Variants in ERI3 observed in about 807,000 individuals in gnomAD.
ERI3 encodes the protein ERI1 exoribonuclease family member 3, also known as ERI1 exoribonuclease 3.
ERI3 carries 18 observed loss-of-function variants against 44.4 expected under a neutral mutation model. That is an observed-to-expected ratio of 0.41 (90% confidence interval 0.28 to 0.60). The LOEUF (loss-of-function observed/expected upper bound fraction) is 0.60. Among genes scored for constraint, ERI3 ranks in the 20% least tolerant of loss-of-function variants. The pLI is 0.36. For synonymous variants in ERI3, 183 were observed against 164.8 expected (o/e 1.11, Z -0.84); for missense variants, 294 against 435.5 (o/e 0.68, Z 2.89).
chr1:44,259,875 C>CCAGATAGATAGA (rs1259635160), intron 7 of ERI3, among the ~76,000 whole-genome samples: 1 of 135,854 alleles, frequency 7.4e-6, no homozygotes, highest in Non-Finnish European at 1.6e-5. Flanking sequence ...GGAAAACCCT[C>CCAGATAGATAGA]TAGATAGATA....
intron 6 of ERI3, among the ~76,000 whole-genome samples, chr1:44,302,538 T>G (rs1279556823): frequency 6.6e-6 from 1 of 152,216 alleles, no homozygotes; most frequent in East Asian, 1.9e-4. Flanking sequence ...GGCTGAGGTT[T>G]CCTTAAAACA....
At chr1:44,261,338 C>T (rs902901539) in intron 7 of ERI3, among the ~76,000 whole-genome samples, 9 of 152,266 alleles carry the variant, frequency 5.9e-5, no homozygotes, top group African/African-American at 1.4e-4. Flanking sequence ...ATCAAGCTCA[C>T]GCAGGCCGCC....
rs774855471 is a variant in ERI3, at chr1:44,354,989, C to A, written c.38G>T (p.Gly13Val). The change falls in exon 1 of 9, where the codon GGG (glycine) becomes GTG (valine). Residue 13 changes from glycine to valine, a missense_variant. By Grantham distance (109) the Gly-to-Val change is moderately radical. Transcript: ENST00000372257. ...GACCAGCCCTCCTTCCCAGGGCCGCCCCCGCCCCCCGTCAGCAGCGGGAGA... is the reference window on the plus strand; with the variant it reads ...GACCAGCCCTCCTTCCCAGGGCCGCACCCGCCCCCCGTCAGCAGCGGGAGA... ...TASPAADGGR[G>V]RPWEGGLVSW... The A allele has an allele frequency of 2.2e-6, 3 of 1,373,076 alleles. No homozygotes were observed. Among genetic ancestry groups the A allele is most frequent in the Admixed American group, 3.1e-5 (1 of 32,494 alleles). 85.1% of individuals were successfully genotyped at this position (1,373,076 alleles called of 1,614,324 possible).
intron 4 of ERI3, among the ~76,000 whole-genome samples, chr1:44,318,810 T>TA (rs758261127): frequency 6.6e-6 from 1 of 152,240 alleles, no homozygotes; most frequent in African/African-American, 2.4e-5. Flanking sequence ...CCCAGACTCT[T>TA]AAAAGATTCT....
intron 7 of ERI3, among the ~76,000 whole-genome samples, chr1:44,250,912 T>C (rs1265060735): frequency 2.6e-5 from 4 of 152,204 alleles, no homozygotes; most frequent in Non-Finnish European, 4.4e-5. Flanking sequence ...TCTCCCGCTG[T>C]TGGCCCTGCT....
At chr1:44,292,893 A>G (rs1572204626) in intron 6 of ERI3, among the ~76,000 whole-genome samples, 1 of 151,892 alleles carries the variant, frequency 6.6e-6, no homozygotes, top group South Asian at 2.1e-4. Flanking sequence ...TTCCTCCCCA[A>G]CCCCCTCCCC....
At chr1:44,322,685 G>A in intron 3 of ERI3, 1 of 1,512,900 alleles carries the variant, frequency 6.6e-7, no homozygotes, top group South Asian at 1.3e-5. Context: ...GACTCTCTGA[G>A]AAATTAGAGC....
At chr1:44,305,474 C>A (rs1645812605) in intron 6 of ERI3, among the ~76,000 whole-genome samples, 1 of 152,192 alleles carries the variant, frequency 6.6e-6, no homozygotes, top group South Asian at 2.1e-4. Context: ...AGACCCACAA[C>A]AAGTGTTGTT....
chr1:44,288,261 T>A (rs1396850011), intron 6 of ERI3, among the ~76,000 whole-genome samples: 3 of 152,160 alleles, frequency 2.0e-5, no homozygotes, highest in Non-Finnish European at 2.9e-5. Context: ...ACTATAATTC[T>A]CACTCAGGGG....
intron 3 of ERI3, among the ~76,000 whole-genome samples, chr1:44,332,456 A>G (rs1476766324): frequency 2.0e-5 from 3 of 152,196 alleles, no homozygotes; most frequent in Non-Finnish European, 2.9e-5. Flanking sequence ...CCCCACCCCC[A>G]GACAACTCCA....
chr1:44,296,292 C>T (rs1319164181), intron 6 of ERI3, among the ~76,000 whole-genome samples: 1 of 152,152 alleles, frequency 6.6e-6, no homozygotes, highest in Non-Finnish European at 1.5e-5. Context: ...CCCCTGAGGT[C>T]GCTGCATCTG....
chr1:44,353,241 C>A, intron 1 of ERI3: 2 of 985,222 alleles, frequency 2.0e-6, no homozygotes, highest in Non-Finnish European at 2.4e-6. Flanking sequence ...GAGGAAGACA[C>A]TGGTAAGGCT....
intron 6 of ERI3, among the ~76,000 whole-genome samples, chr1:44,297,869 A>G (rs1182050673): frequency 6.6e-6 from 1 of 152,238 alleles, no homozygotes; most frequent in Non-Finnish European, 1.5e-5. Context: ...GTGGAAGGGA[A>G]GCACCAATAT....
intron 6 of ERI3, among the ~76,000 whole-genome samples, chr1:44,288,254 A>G (rs1645434662): frequency 6.6e-6 from 1 of 152,170 alleles, no homozygotes; most frequent in Non-Finnish European, 1.5e-5. Context: ...GTTAGGCACT[A>G]TAATTCTCAC....
intron 6 of ERI3, among the ~76,000 whole-genome samples, chr1:44,290,221 A>G (rs1171190148): frequency 1.3e-5 from 2 of 152,174 alleles, no homozygotes; most frequent in African/African-American, 4.8e-5. Flanking sequence ...CGCCTGCAGG[A>G]GCAAACTACT....
chr1:44,355,240 TC>T lies in ERI3; in HGVS notation c.-215del. 8.5e-7 allele frequency: 1 copy of T among 1,177,776 alleles called. No individual in the cohort carries two copies. Among genetic ancestry groups the T allele is most frequent in the East Asian group, 3.7e-5 (1 of 26,802 alleles). The allele number at this position is 1,177,776 out of a possible 1,614,324, so 73.0% of individuals were successfully genotyped here. On this transcript the variant is annotated 5_prime_UTR_variant, in exon 1 of 9. Transcript: ENST00000372257. ...GAACAGCGGCAGCCAGCACCACGAG[TC>T]CACAACACACCGACTCACCTCCGCG...
chr1:44,274,063 C>T (rs919654528), intron 7 of ERI3, among the ~76,000 whole-genome samples: 4 of 152,194 alleles, frequency 2.6e-5, no homozygotes, highest in African/African-American at 9.7e-5. Flanking sequence ...CCTGCAATCA[C>T]ACCCTTTCCT....
At chr1:44,265,865 G>T (rs1572147631) in intron 7 of ERI3, among the ~76,000 whole-genome samples, 1 of 152,304 alleles carries the variant, frequency 6.6e-6, no homozygotes, top group African/African-American at 2.4e-5. Flanking sequence ...GTTGCTTCAG[G>T]CTGGGGCATT....
chr1:44,251,632 A>C (rs1644681496), intron 7 of ERI3, among the ~76,000 whole-genome samples: 1 of 152,150 alleles, frequency 6.6e-6, no homozygotes, highest in Non-Finnish European at 1.5e-5. Context: ...GCAGGCTGGG[A>C]CGGTTTGACA....
Sources: gnomAD v4.1 joint callset for allele counts (sites outside exome capture counted in the v4.1 genomes callset) on GRCh38, gnomAD v4.1.1 for gene constraint, MANE v1.5 for transcripts, NCBI Gene and HGNC (gene_info 2026-07-23, HGNC 2026-07-21) for gene names.